The following BAZ2B variants were observed in gnomAD, a reference collection of about 807,000 sequenced individuals.
The protein encoded by BAZ2B is bromodomain adjacent to zinc finger domain 2B.
Under a neutral mutation model 246.0 loss-of-function variants are expected in BAZ2B, and 91 were observed. The ratio of observed to expected loss-of-function variants is 0.37; its 90% confidence interval spans 0.31 to 0.44. BAZ2B has a LOEUF of 0.44. Among genes scored for constraint, BAZ2B ranks in the 20% least tolerant of loss-of-function variants. BAZ2B has a pLI of 1.00. For synonymous variants in BAZ2B, 855 were observed against 860.0 expected (o/e 0.99, Z 0.10); for missense variants, 2,332 against 2,533.7 (o/e 0.92, Z 1.71).
chr2:159,634,670 C>A, the BAZ2B span, among the ~76,000 whole-genome samples: 1 of 152,162 alleles, frequency 6.6e-6, no homozygotes, highest in East Asian at 1.9e-4. Flanking sequence ...GAGTGCAATA[C>A]TGAATGATAA....
At chr2:159,334,278 A>G (rs1209906099) in intron 33 of BAZ2B, among the ~76,000 whole-genome samples, 3 of 152,200 alleles carry the variant, frequency 2.0e-5, no homozygotes, top group African/African-American at 7.2e-5. Flanking sequence ...TTATAGTAAT[A>G]GCTCACAATA....
At chr2:159,452,708 T>C (rs2075252763) in intron 4 of BAZ2B, among the ~76,000 whole-genome samples, 1 of 152,222 alleles carries the variant, frequency 6.6e-6, no homozygotes, top group Admixed American at 6.5e-5. Context: ...TTAACTGATG[T>C]CTTACTGAAC....
the BAZ2B span, among the ~76,000 whole-genome samples, chr2:159,629,002 G>C: frequency 6.6e-6 from 1 of 152,066 alleles, no homozygotes; most frequent in Non-Finnish European, 1.5e-5. Context: ...TCAAAAAGTG[G>C]GGTGGGTGAA....
intron 2 of BAZ2B, among the ~76,000 whole-genome samples, chr2:159,500,509 T>C (rs1263678646): frequency 6.6e-6 from 1 of 152,238 alleles, no homozygotes; most frequent in Non-Finnish European, 1.5e-5. Context: ...CTTATTGTAT[T>C]GGCCTTCTCT....
At chr2:159,650,523 A>G in the BAZ2B span, among the ~76,000 whole-genome samples, 10 of 152,136 alleles carry the variant, frequency 6.6e-5, no homozygotes, top group Non-Finnish European at 1.3e-4. Flanking sequence ...CACTATTCCT[A>G]TTCCTGTGAG....
chr2:159,617,675 TTA>T (rs1696240463), upstream of BAZ2B, among the ~76,000 whole-genome samples: 1 of 152,214 alleles, frequency 6.6e-6, no homozygotes, highest in Non-Finnish European at 1.5e-5. Context: ...TGCTATTGTT[TTA>T]TGTTTCCTCT....
At chr2:159,410,290 A>T (rs1319215603) in intron 14 of BAZ2B, among the ~76,000 whole-genome samples, 2 of 152,182 alleles carry the variant, frequency 1.3e-5, no homozygotes, top group African/African-American at 4.8e-5. Context: ...CAAATAAAAT[A>T]AAAAAATCTG....
the BAZ2B span, among the ~76,000 whole-genome samples, chr2:159,663,876 T>C: frequency 8.6e-5 from 12 of 139,724 alleles, no homozygotes; most frequent in South Asian, 2.8e-3. Context: ...TTTTTTTTTT[T>C]TTTTTTTTTT....
chr2:159,531,465 T>C (rs2085373078), intron 2 of BAZ2B, among the ~76,000 whole-genome samples: 1 of 152,224 alleles, frequency 6.6e-6, no homozygotes, highest in Admixed American at 6.5e-5. Context: ...AAAATATATT[T>C]ATGTTTCTTT....
the BAZ2B span, chr2:159,694,955 A>C: frequency 3.3e-5 from 5 of 152,204 alleles, no homozygotes; most frequent in African/African-American, 1.2e-4. Context: ...TGCAGGTACC[A>C]ACTTTCTACA....
chr2:159,414,683 G>A (rs1020889450), intron 13 of BAZ2B, among the ~76,000 whole-genome samples: 2 of 151,974 alleles, frequency 1.3e-5, no homozygotes, highest in African/African-American at 4.8e-5. Context: ...TGGGCACGGT[G>A]GCGGGTGCCT....
chr2:159,397,457 A>G, intron 18 of BAZ2B, 68 bp from the exon 19 acceptor site: 1 of 1,081,360 alleles, frequency 9.2e-7, no homozygotes, highest in East Asian at 2.6e-5. Context: ...AAGTATTAAA[A>G]GTTCCTTTTC....
intron 1 of BAZ2B, among the ~76,000 whole-genome samples, chr2:159,572,761 A>G (rs1450515639): frequency 6.6e-6 from 1 of 152,158 alleles, no homozygotes; most frequent in African/African-American, 2.4e-5. Context: ...TTAAACTATT[A>G]TTTTCAAGTT....
intron 27 of BAZ2B, among the ~76,000 whole-genome samples, chr2:159,355,925 G>T (rs1253337140): frequency 6.6e-6 from 1 of 152,232 alleles, no homozygotes; most frequent in Non-Finnish European, 1.5e-5. Flanking sequence ...AGCCATGAGG[G>T]GCTGTGCTGT....
chr2:159,447,946 C>T (rs2074485869), intron 5 of BAZ2B, among the ~76,000 whole-genome samples: 1 of 151,880 alleles, frequency 6.6e-6, no homozygotes, highest in Admixed American at 6.6e-5. Context: ...CACAGAGACC[C>T]TGTTGCTACA....
intron 13 of BAZ2B, among the ~76,000 whole-genome samples, chr2:159,420,153 GTTTTTCTTCAAATTC>G (rs2068478246): frequency 6.6e-6 from 1 of 152,144 alleles, no homozygotes; most frequent in Non-Finnish European, 1.5e-5. Flanking sequence ...ATGAACATTA[GTTTTTCTTCAAATTC>G]AGGCTTTCAA....
intron 2 of BAZ2B, among the ~76,000 whole-genome samples, chr2:159,505,095 C>T (rs1449437480): frequency 5.3e-5 from 8 of 152,070 alleles, no homozygotes; most frequent in East Asian, 3.9e-4. Flanking sequence ...AAGTAATAAG[C>T]TCATTGTAAA....
At chr2:159,473,527 A>AT (rs762636117) in intron 3 of BAZ2B, among the ~76,000 whole-genome samples, 17 of 151,964 alleles carry the variant, frequency 1.1e-4, no homozygotes, top group South Asian at 4.2e-4. Flanking sequence ...GGATTCATTG[A>AT]TTTTTTGAGG....
intron 3 of BAZ2B, chr2:159,459,243 A>G (rs1188619803): frequency 6.6e-6 from 1 of 152,234 alleles, no homozygotes; most frequent in Non-Finnish European, 1.5e-5. Context: ...ACTCTTTACA[A>G]AACATTGCAC....
Sources: gnomAD v4.1 joint callset for allele counts (sites outside exome capture counted in the v4.1 genomes callset) on GRCh38, gnomAD v4.1.1 for gene constraint, MANE v1.5 for transcripts, NCBI Gene and HGNC (gene_info 2026-07-23, HGNC 2026-07-21) for gene names.